TMEM74B: variants seen among roughly 807,000 people sequenced by gnomAD.
TMEM74B encodes the protein transmembrane protein 74B.
In TMEM74B, 7 loss-of-function variants were observed where a neutral mutation model predicts 6.5. The observed-to-expected ratio is 1.07, with a 90% CI of 0.61 to 2.01. The LOEUF (loss-of-function observed/expected upper bound fraction) is 2.01, where lower values mean the gene tolerates loss of function less well. Among genes scored for constraint, TMEM74B ranks in the 30% most tolerant of loss-of-function variants. The pLI is 0.00. For missense variants in TMEM74B, 342 were observed against 337.0 expected (o/e 1.01, Z -0.12); for synonymous variants, 151 against 151.6 (o/e 1.00, Z 0.03).
At chr20:1,183,571 G>A (rs1288570809) in intron 2 of TMEM74B, among the ~76,000 whole-genome samples, 200 bp downstream of exon 2, 1 of 151,968 alleles carries the variant, frequency 6.6e-6, no homozygotes, top group Non-Finnish European at 1.5e-5. Flanking sequence ...TTTAGTAAAT[G>A]TTTACCAAGC....
intron 2 of TMEM74B, among the ~76,000 whole-genome samples, chr20:1,182,033 C>T (rs1003033575): frequency 6.6e-6 from 1 of 152,184 alleles, no homozygotes; most frequent in Admixed American, 6.5e-5. Context: ...GTGATGTGAC[C>T]TCTCCAGATT....
Position 1,180,757 on chromosome 20 carries a change from C to T in TMEM74B, c.*91G>A. 1 of 1,501,312 alleles carries T rather than the reference C, an allele frequency of 6.7e-7. No individual in the cohort carries two copies. The allele number at this position is 1,501,312 out of a possible 1,614,324, so 93.0% of individuals were successfully genotyped here. A position where few individuals can be genotyped will look rare whatever the true frequency, so the allele number is the denominator to read the frequency against. On this transcript the variant is annotated 3_prime_UTR_variant, in exon 3 of 3. Coordinates refer to ENST00000429036, the MANE Select transcript of TMEM74B (RefSeq NM_001304748.2). This position sits in a 1 kb window ranked among gnomAD's most constrained non-coding sequence, Gnocchi z 6.1. ...GCCCTATGTGAGCTCAGTTTAAAAC[C>T]CCAGGGCCTTGGCAGGGGTCAGGTG...
intron 2 of TMEM74B, among the ~76,000 whole-genome samples, chr20:1,182,037 C>G (rs1473204681): frequency 2.6e-5 from 4 of 152,158 alleles, no homozygotes; most frequent in Non-Finnish European, 5.9e-5. Flanking sequence ...TGTGACCTCT[C>G]CAGATTCGGT....
At chr20:1,183,658 C>T (rs954130970) in intron 2 of TMEM74B, 113 bp downstream of exon 2, 68 of 1,350,716 alleles carry the variant, frequency 5.0e-5, no homozygotes, top group Non-Finnish European at 6.2e-5. Flanking sequence ...CCCCACGATC[C>T]GGAATTACTG....
chr20:1,186,522 T>C (rs1302970629), upstream of TMEM74B: 2 of 152,128 alleles, frequency 1.3e-5, no homozygotes, highest in Non-Finnish European at 1.5e-5. Context: ...TCTGAGCCTG[T>C]ATCCACTTCT....
In TMEM74B at chr20:1,184,008, C is replaced by T. The variant is rs1016814969; in HGVS notation, c.-147-60G>A. On this transcript the variant is annotated intron_variant, in intron 1 of 2. Transcript: ENST00000429036. This position sits in a 1 kb window ranked among gnomAD's most constrained non-coding sequence, Gnocchi z 6.0. The stretch of plus-strand genomic sequence containing the variant: ...TTGTTGGTTGGCTTTTTACTCTTAG[C>T]ACCAAAAACATTTTCCTGAGTGCCC... 49 of 558,184 alleles carry T rather than the reference C, an allele frequency of 8.8e-5. No homozygotes were observed. In the East Asian group the frequency reaches 1.6e-3, roughly 18 times the overall value. 34.6% of individuals were successfully genotyped at this position (558,184 alleles called of 1,614,324 possible).
upstream of TMEM74B, among the ~76,000 whole-genome samples, chr20:1,187,691 C>T (rs575244757): frequency 2.5e-4 from 38 of 152,226 alleles, no homozygotes; most frequent in Admixed American, 6.5e-4. Flanking sequence ...TCCAGCAGAG[C>T]GCCTAGCATA....
chr20:1,183,762 T>C lies in TMEM74B; in HGVS notation c.31+9A>G, dbSNP rs1269808171. Reference sequence around the variant, plus strand: ...GCAGATTCCCTAAGAATTATTATCATGTACAAACCTGCAAACTCATACCCC... The same window carrying C: ...GCAGATTCCCTAAGAATTATTATCACGTACAAACCTGCAAACTCATACCCC... On this transcript the variant is annotated intron_variant, in intron 2 of 2. Coordinates refer to ENST00000429036, the MANE Select transcript of TMEM74B (RefSeq NM_001304748.2). 8.1e-6 allele frequency: 13 copies of C among 1,613,992 alleles called. No homozygotes were observed. The highest frequency in any genetic ancestry group is 1.1e-5 in the South Asian group (1 of 91,052).
At position 1,181,626 on chromosome 20, in the gene TMEM74B, C is replaced by G. The variant is rs1387931583; in HGVS notation, c.32-39G>C. ...AAGAAAGTCAGTTGAATGTAGCAAC[C>G]TCTCCCTGTTGTGGAGGACATCATA... is the stretch of plus-strand genomic sequence containing the variant. On this transcript the variant is annotated intron_variant, in intron 2 of 2. Coordinates refer to ENST00000429036, the MANE Select transcript of TMEM74B (RefSeq NM_001304748.2). This position sits in a 1 kb window ranked among gnomAD's most constrained non-coding sequence, Gnocchi z 4.9. 3.5e-6 allele frequency: 5 copies of G among 1,447,326 alleles called. No homozygotes were observed. Among genetic ancestry groups the G allele is most frequent in the African/African-American group, 2.9e-5 (2 of 69,778 alleles). The allele number at this position is 1,447,326 out of a possible 1,614,324, so 89.7% of individuals were successfully genotyped here. A position where few individuals can be genotyped will look rare whatever the true frequency, so the allele number is the denominator to read the frequency against.
intron 2 of TMEM74B, among the ~76,000 whole-genome samples, chr20:1,182,793 A>G (rs2086907316): frequency 6.6e-6 from 1 of 152,288 alleles, no homozygotes. Flanking sequence ...CCCGGGGACC[A>G]TATTTGGCTG....
rs148021538 is a variant in TMEM74B, at chr20:1,183,773, G to A, written c.29C>T (p.Ala10Val). Residue 10 changes from alanine (A) to valine (V), a missense_variant and splice_region_variant, in exon 2 of 3, where the codon GCA (alanine) becomes GTA (valine). By Grantham distance (64) the Ala-to-Val change is moderately conservative. Transcript: ENST00000429036. Reference protein sequence around the residue: MPPAQGYEFAAAKGPRDELG... With the variant: MPPAQGYEFVAAKGPRDELG... ...AAGAATTATTATCATGTACAAACCT[G>A]CAAACTCATACCCCTGTGCTGGTGG... 5.8e-5 allele frequency: 93 copies of A among 1,613,866 alleles called. 1 individual carries two copies. The African/African-American group carries it at 1.0e-3, about 18-fold the overall frequency.
rs576561174 is a variant in TMEM74B at position 1,181,049 on chromosome 20, G to A, written c.570C>T (p.Leu190=). ...GGGAGACCATGAGCAGCACCGACAA[G>A]AGCATGCCGCCCACCGTGAGCAGCC... is the stretch of plus-strand genomic sequence containing the variant. The part of the protein sequence containing the change: ...GLGLLTVGGM[L]LSVLLMVSLC... The change falls in exon 3 of 3, where the codon CTC becomes CTT. Residue 190 remains leucine (L), a synonymous_variant. Coordinates refer to ENST00000429036, the MANE Select transcript of TMEM74B (RefSeq NM_001304748.2). The surrounding 1 kb of genome is among the most constrained non-coding windows in gnomAD (Gnocchi z 4.9). The A allele has an allele frequency of 1.2e-6, 2 of 1,613,266 alleles. No homozygotes were observed. The highest frequency in any genetic ancestry group is 1.3e-5 in the African/African-American group (1 of 74,828).
upstream of TMEM74B, among the ~76,000 whole-genome samples, chr20:1,186,865 C>T (rs1421038020): frequency 6.6e-6 from 1 of 152,174 alleles, no homozygotes; most frequent in Non-Finnish European, 1.5e-5. Context: ...GCCCTGGCAC[C>T]ACACTCCTGT....
intron 2 of TMEM74B, among the ~76,000 whole-genome samples, 183 bp downstream of exon 2, chr20:1,183,588 T>C (rs951968083): frequency 3.9e-5 from 6 of 152,106 alleles, no homozygotes; most frequent in Non-Finnish European, 7.4e-5. Flanking sequence ...AAGCACCTAC[T>C]AGCTGTTGAG....
upstream of TMEM74B, chr20:1,185,169 G>C (rs2086989204): frequency 6.6e-6 from 1 of 152,074 alleles, no homozygotes; most frequent in South Asian, 2.1e-4. Context: ...GCCTCACCAC[G>C]CTGGGGCGAA....
chr20:1,182,626 T>C (rs2086902178), intron 2 of TMEM74B, among the ~76,000 whole-genome samples: 1 of 152,012 alleles, frequency 6.6e-6, no homozygotes, highest in African/African-American at 2.4e-5. Context: ...TGTGGGGACC[T>C]GGACTAGAAC....
In TMEM74B at chr20:1,180,834, A is replaced by AGGT. The variant is rs763161945; in HGVS notation, c.*11_*13dup. 1.4e-4 allele frequency: 222 copies of AGGT among 1,550,014 alleles called. No homozygotes were observed. The highest frequency in any genetic ancestry group is 1.8e-4 in the Non-Finnish European group (204 of 1,145,982). On this transcript the variant is annotated 3_prime_UTR_variant, in exon 3 of 3. Coordinates refer to ENST00000429036, the MANE Select transcript of TMEM74B (RefSeq NM_001304748.2). This position sits in a 1 kb window ranked among gnomAD's most constrained non-coding sequence, Gnocchi z 6.1. ...GCACTGGAGCTAAAGCAGCCAGATA[A>AGGT]GGTGGGCTAGTTCTTAAGACCTCTG... is the stretch of plus-strand genomic sequence containing the variant.
chr20:1,180,640 A>G lies in TMEM74B; in HGVS notation c.*208T>C, dbSNP rs2086836343. On this transcript the variant is annotated 3_prime_UTR_variant, in exon 3 of 3. Coordinates refer to ENST00000429036, the MANE Select transcript of TMEM74B (RefSeq NM_001304748.2). This position sits in a 1 kb window ranked among gnomAD's most constrained non-coding sequence, Gnocchi z 6.1. ...CAAACAAAACCGTATGCAAAACCTC[A>G]GCTACAAAACAGATCAGTGGGCTGC... 3.8e-6 allele frequency: 2 copies of G among 523,462 alleles called. No homozygotes were observed. 32.4% of individuals were successfully genotyped at this position (523,462 alleles called of 1,614,324 possible).
At chr20:1,189,010 T>G (rs1600197035), upstream of TMEM74B, among the ~76,000 whole-genome samples, 2 of 150,840 alleles carry the variant, frequency 1.3e-5, no homozygotes, top group Non-Finnish European at 3.0e-5. This position sits in a 1 kb window ranked among gnomAD's most constrained non-coding sequence, Gnocchi z 4.5. Context: ...CGGGGGCAGG[T>G]GGGAAGTAAC....
Sources: gnomAD v4.1 joint callset for allele counts (sites outside exome capture counted in the v4.1 genomes callset) on GRCh38, gnomAD v4.1.1 for gene constraint, Gnocchi (gnomAD v3.1) non-coding constraint, MANE v1.5 for transcripts, NCBI Gene and HGNC (gene_info 2026-07-23, HGNC 2026-07-21) for gene names.